The following WFS1 variants were observed in gnomAD, a reference collection of about 807,000 sequenced individuals.
The protein encoded by WFS1 is wolframin ER transmembrane glycoprotein.
Under a neutral mutation model 68.5 loss-of-function variants are expected in WFS1, and 90 were observed. The ratio of observed to expected loss-of-function variants is 1.31; its 90% CI spans 1.11 to 1.56. The LOEUF (loss-of-function observed/expected upper bound fraction) is 1.56. WFS1 is among the 40% of genes most tolerant of loss of function. The pLI, the probability that WFS1 is intolerant of heterozygous loss-of-function variation, is 0.00. For missense variants in WFS1, 1,767 were observed against 1,232.6 expected (o/e 1.43, Z -6.49); for synonymous variants, 860 against 540.7 (o/e 1.59, Z -8.19).
At chr4:6,285,175 A>ATCCAGGGAGCGTTACG (rs1553876373) in intron 2 of WFS1, among the ~76,000 whole-genome samples, 14 of 142,222 alleles carry the variant, frequency 9.8e-5, no homozygotes, top group Non-Finnish European at 1.9e-4. Context: ...GGAGAGTTAC[A>ATCCAGGGAGCGTTACG]TCCAGGGAGA....
intron 2 of WFS1, among the ~76,000 whole-genome samples, chr4:6,278,195 C>A (rs554148477): frequency 6.6e-6 from 1 of 152,252 alleles, no homozygotes; most frequent in South Asian, 2.1e-4. Flanking sequence ...GCAGAGCTGA[C>A]TGAGGCCCTT....
At chr4:6,293,392 ATC>A (rs1730524383) in intron 6 of WFS1, among the ~76,000 whole-genome samples, 1 of 152,074 alleles carries the variant, frequency 6.6e-6, no homozygotes, top group Non-Finnish European at 1.5e-5. Context: ...ATCAGGCATC[ATC>A]TGTTTCTCTG....
At chr4:6,295,230 C>A in intron 7 of WFS1, 41 bp downstream of exon 7, 1 of 1,608,310 alleles carries the variant, frequency 6.2e-7, no homozygotes, top group Non-Finnish European at 8.5e-7. Context: ...GCCTGCCTCC[C>A]AAGGACTCGC....
At position 6,302,570 on chromosome 4, in the gene WFS1, G is replaced by C; in HGVS notation, c.*102G>C. ...ATGCACCAGTGCCGCCTGTGCCCAC[G>C]TGTGCAGACTGTGGCTGCAGAGACC... On this transcript the variant is annotated 3_prime_UTR_variant, in exon 8 of 8. Coordinates refer to ENST00000226760, the MANE Select transcript of WFS1 (RefSeq NM_006005.3). 6.5e-7 allele frequency: 1 copy of C among 1,534,756 alleles called. No individual in the cohort carries two copies. Among genetic ancestry groups the C allele is most frequent in the Non-Finnish European group, 8.8e-7 (1 of 1,134,306 alleles).
Position 6,301,794 on chromosome 4 carries a change from C to A in WFS1, c.1999C>A (p.Gln667Lys). 9 of 1,613,416 alleles carry A rather than the reference C, an allele frequency of 5.6e-6. No individual in the cohort carries two copies. The highest frequency in any genetic ancestry group is 7.6e-6 in the Non-Finnish European group (9 of 1,180,042). The part of the protein sequence containing the change: ...MKVYNSTLTW[Q>K]QYGALCGPRA... ...GGTCTACAACTCCACACTGACCTGG[C>A]AGCAGTATGGTGCGCTGTGCGGGCC... The change falls in exon 8 of 8, where the codon CAG becomes AAG. Residue 667 changes from glutamine to lysine, a missense_variant. By Grantham distance (53) the Gln-to-Lys change is moderately conservative. Transcript: ENST00000226760.
chr4:6,296,475 GAACC>G (rs1436958955), intron 7 of WFS1, among the ~76,000 whole-genome samples: 1 of 152,250 alleles, frequency 6.6e-6, no homozygotes, highest in African/African-American at 2.4e-5. Flanking sequence ...CCAAGAACTT[GAACC>G]AAGGGAGCAC....
At chr4:6,286,284 G>A (rs549743318) in intron 2 of WFS1, among the ~76,000 whole-genome samples, 1 of 152,168 alleles carries the variant, frequency 6.6e-6, no homozygotes, top group East Asian at 1.9e-4. Context: ...GCCTTTGGAG[G>A]TGATGAATCA....
chr4:6,287,585 C>T lies in WFS1; in HGVS notation c.315+410C>T, dbSNP rs1730349937. ...GGGCCCTCAGAGCGGTGACCATTCA[C>T]TTGGGCATCAGCCAAGGGCTGGGCT... is the stretch of plus-strand genomic sequence containing the variant. On this transcript the variant is annotated intron_variant, in intron 3 of 7. Transcript: ENST00000226760. The surrounding 1 kb of genome is among the most constrained non-coding windows in gnomAD (Gnocchi z 6.4). Among the ~76,000 whole-genome samples, 1 of 152,222 alleles carries T rather than the reference C, an allele frequency of 6.6e-6. No individual in the cohort carries two copies.
At chr4:6,299,819 C>G (rs1300731226) in intron 7 of WFS1, among the ~76,000 whole-genome samples, 1 of 94,978 alleles carries the variant, frequency 1.1e-5, no homozygotes, top group Non-Finnish European at 1.9e-5. Context: ...GGGTAGGTTG[C>G]GTGTGTGTGA....
At position 6,300,047 on chromosome 4, in the gene WFS1, C is replaced by G. The variant is rs111754504; in HGVS notation, c.862-610C>G. The stretch of plus-strand genomic sequence containing the variant: ...CCGGCCATAGGGAGGGCAGCTCACC[C>G]GGCAGCCCCGTGCAGCTGAACGGTA... On this transcript the variant is annotated intron_variant, in intron 7 of 7. Coordinates refer to ENST00000226760, the MANE Select transcript of WFS1 (RefSeq NM_006005.3). Among the ~76,000 whole-genome samples the G allele has an allele frequency of 9.8e-3, 1,497 of 152,108 alleles. 32 individuals are homozygous for G. The highest frequency in any genetic ancestry group is 0.017 in the Middle Eastern group (5 of 294).
intron 7 of WFS1, among the ~76,000 whole-genome samples, chr4:6,297,097 G>A (rs1243845681): frequency 1.3e-5 from 2 of 152,196 alleles, no homozygotes; most frequent in African/African-American, 4.8e-5. Context: ...CCACACTGCT[G>A]GGATTCAGGC....
rs530197028 is a variant in WFS1 at position 6,283,091 on chromosome 4, C to T, written c.233-4002C>T. Among the ~76,000 whole-genome samples the T allele has an allele frequency of 4.6e-5, 7 of 152,298 alleles. No individual in the cohort carries two copies. The East Asian group carries it at 1.4e-3, about 29-fold the overall frequency. Reference sequence around the variant, plus strand: ...AGCAAGATATGGCAGTGGGCTGTGCCGGGAAGGGGCGCATCCTGGAGGATG... The same window carrying T: ...AGCAAGATATGGCAGTGGGCTGTGCTGGGAAGGGGCGCATCCTGGAGGATG... On this transcript the variant is annotated intron_variant, in intron 2 of 7. Transcript: ENST00000226760. The surrounding 1 kb of genome is among the most constrained non-coding windows in gnomAD (Gnocchi z 5.0).
chr4:6,280,374 G>A (rs1730124512), intron 2 of WFS1, among the ~76,000 whole-genome samples: 2 of 152,324 alleles, frequency 1.3e-5, no homozygotes, highest in South Asian at 2.1e-4. Context: ...CCTCAGTGTT[G>A]TCTCCAGCCC....
In WFS1 at chr4:6,292,128, C is replaced by T. The variant is rs11725494; in HGVS notation, c.712+131C>T. The T allele has an allele frequency of 0.61, 563,717 of 922,882 alleles. 176,877 individuals are homozygous for T. The highest frequency in any genetic ancestry group is 0.96 in the East Asian group (36,296 of 37,892). 57.2% of individuals were successfully genotyped at this position (922,882 alleles called of 1,614,324 possible). A position where few individuals can be genotyped will look rare whatever the true frequency, so the allele number is the denominator to read the frequency against. ...TGCCTCCCAGCCTGCGCCTGCAGGG[C>T]GACCTCTCCTTCCTGTGCGACCCCA... On this transcript the variant is annotated intron_variant, in intron 6 of 7. Coordinates refer to ENST00000226760, the MANE Select transcript of WFS1 (RefSeq NM_006005.3).
chr4:6,302,042 G>A lies in WFS1; in HGVS notation c.2247G>A (p.Thr749=), dbSNP rs75096624. The stretch of plus-strand genomic sequence containing the variant: ...CCTGCAGCCCTGGCAACACCTCCAC[G>A]GCCGAGGAGGAGCTCTGTCGCCTTA... ...YPACSPGNTS[T]AEEELCRLKL... is the part of the protein sequence containing the mutation. The change falls in exon 8 of 8, where the codon ACG becomes ACA. Residue 749 remains threonine, a synonymous_variant. Coordinates refer to ENST00000226760, the MANE Select transcript of WFS1 (RefSeq NM_006005.3). 1,418 of 1,612,838 alleles carry A rather than the reference G, an allele frequency of 8.8e-4. 7 individuals are homozygous for A. The African/African-American group carries it at 0.017, about 19-fold the overall frequency.
rs558699525 is a variant in WFS1, at chr4:6,291,304, A to G, written c.568A>G (p.Lys190Glu). The G allele has an allele frequency of 6.2e-7, 1 of 1,613,222 alleles. No individual in the cohort carries two copies. The highest frequency in any genetic ancestry group is 2.2e-5 in the East Asian group (1 of 44,818). The change falls in exon 5 of 8, where the codon AAG becomes GAG. Residue 190 changes from lysine (K) to glutamate (E), a missense_variant. Transcript: ENST00000226760. Reference protein sequence around the residue: ...ALVMYWKLNPKKKKQVAVAEL... With the variant: ...ALVMYWKLNPEKKKQVAVAEL... ...GGTCATGTACTGGAAGCTCAACCCCAAGAAGAAGAAGCAGGTGGCCGTGGC... is the reference window on the plus strand; with the variant it reads ...GGTCATGTACTGGAAGCTCAACCCCGAGAAGAAGAAGCAGGTGGCCGTGGC...
intron 1 of WFS1, among the ~76,000 whole-genome samples, chr4:6,272,783 T>G (rs551168105): frequency 2.0e-5 from 3 of 152,254 alleles, no homozygotes; most frequent in Non-Finnish European, 4.4e-5. Flanking sequence ...AATTTTGTTT[T>G]CATCCTAAAC....
rs754067564 is a variant in WFS1, at chr4:6,295,179, T to C, written c.851T>C (p.Leu284Pro). ...GGGAAGAGCCCTGAGGACCTGCCAC[T>C]GCGTCTGAAGGTGAGTGACCAAGAC... is the stretch of plus-strand genomic sequence containing the variant. ...LAGKSPEDLPLRLKVVKYPLH... is the reference protein window; with the variant it reads ...LAGKSPEDLPPRLKVVKYPLH... Residue 284 changes from leucine (L) to proline (P), a missense_variant, in exon 7 of 8, where the codon CTG becomes CCG. By Grantham distance (98) the Leu-to-Pro change is moderately conservative. Coordinates refer to ENST00000226760, the MANE Select transcript of WFS1 (RefSeq NM_006005.3). The C allele has an allele frequency of 6.2e-7, 1 of 1,611,870 alleles. No individual in the cohort carries two copies. The highest frequency in any genetic ancestry group is 8.5e-7 in the Non-Finnish European group (1 of 1,180,030).
At chr4:6,275,606 G>A (rs1729970631) in intron 1 of WFS1, among the ~76,000 whole-genome samples, 1 of 141,074 alleles carries the variant, frequency 7.1e-6, no homozygotes, top group Non-Finnish European at 1.5e-5. Context: ...GGGTGGGGGG[G>A]GGGGGTGTGC....
Sources: allele counts gnomAD v4.1 joint callset (sites outside exome capture counted in the v4.1 genomes callset), GRCh38; gene constraint gnomAD v4.1.1; non-coding constraint Gnocchi (gnomAD v3.1); transcripts MANE v1.5; gene names NCBI Gene and HGNC (gene_info 2026-07-23, HGNC 2026-07-21).